Variants in EPN2 observed in about 807,000 individuals in gnomAD.
EPN2 encodes the protein epsin 2.
A neutral mutation model predicts 61.7 loss-of-function variants in EPN2; 34 were observed. That is an observed-to-expected ratio of 0.55 (90% CI 0.42 to 0.73). The LOEUF is 0.73. Ranked by LOEUF, EPN2 falls within the 30% of genes least tolerant of loss-of-function variation. The probability of loss-of-function intolerance (pLI) is 0.00; values close to 1 mark genes in which losing one functional copy is unlikely to be tolerated. For synonymous variants in EPN2, 349 were observed against 353.6 expected (o/e 0.99, Z 0.15); for missense variants, 714 against 839.2 (o/e 0.85, Z 1.84).
chr17:19,264,064 T>A (rs2045171368), intron 1 of EPN2, among the ~76,000 whole-genome samples: 1 of 152,198 alleles, frequency 6.6e-6, no homozygotes, highest in African/African-American at 2.4e-5. Context: ...CAGTTGTCAG[T>A]GCTGGAAACG....
chr17:19,275,955 A>T (rs1412549041), intron 1 of EPN2, among the ~76,000 whole-genome samples: 1 of 152,232 alleles, frequency 6.6e-6, no homozygotes, highest in Non-Finnish European at 1.5e-5. Context: ...GGCCACCTCA[A>T]GCATTCAGTT....
At position 19,336,538 on chromosome 17, in the gene EPN2, C is replaced by T. The variant is rs1450331653; in HGVS notation, c.*2284C>T. On this transcript the variant is annotated 3_prime_UTR_variant, in exon 11 of 11. Transcript: ENST00000314728. Reference sequence around the variant, plus strand: ...TTGCCCACTGCACTGATCATGAAGCCACCGGCCACTGCCACGCATGTTGCA... The same window carrying T: ...TTGCCCACTGCACTGATCATGAAGCTACCGGCCACTGCCACGCATGTTGCA... 1 of 152,624 alleles carries T rather than the reference C, an allele frequency of 6.6e-6. No individual in the cohort carries two copies. Among genetic ancestry groups the T allele is most frequent in the Non-Finnish European group, 1.5e-5 (1 of 68,052 alleles). 9.5% of individuals were successfully genotyped at this position (152,624 alleles called of 1,614,324 possible). A position where few individuals can be genotyped will look rare whatever the true frequency, so the allele number is the denominator to read the frequency against.
chr17:19,264,973 T>C (rs993472313), intron 1 of EPN2, among the ~76,000 whole-genome samples: 1 of 152,012 alleles, frequency 6.6e-6, no homozygotes, highest in African/African-American at 2.4e-5. Flanking sequence ...AGGTGGTGGA[T>C]CCTGGGCAGA....
At chr17:19,278,335 A>C (rs929505169) in intron 1 of EPN2, among the ~76,000 whole-genome samples, 46 of 152,166 alleles carry the variant, frequency 3.0e-4, no homozygotes, top group African/African-American at 1.1e-3. Flanking sequence ...GAGACTGGGA[A>C]GAAAAGGAGG....
chr17:19,276,773 G>GTTTTTTTTTTTTTTTTTTTTT (rs80078595), intron 1 of EPN2, among the ~76,000 whole-genome samples: 46 of 119,316 alleles, frequency 3.9e-4, no homozygotes, highest in African/African-American at 1.5e-3. Context: ...ATGAGAATAA[G>GTTTTTTTTTTTTTTTTTTTTT]TTTTTTTTTT....
At chr17:19,239,348 C>T (rs757349826) in intron 1 of EPN2, among the ~76,000 whole-genome samples, 34 of 152,294 alleles carry the variant, frequency 2.2e-4, no homozygotes, top group Non-Finnish European at 3.2e-4. Context: ...GACGGGATTT[C>T]GCCACGTTGG....
chr17:19,262,160 C>T (rs2045148394), intron 1 of EPN2, among the ~76,000 whole-genome samples: 1 of 151,486 alleles, frequency 6.6e-6, no homozygotes, highest in African/African-American at 2.4e-5. Flanking sequence ...GCACTCCAGC[C>T]TGAGCAACAG....
At chr17:19,296,893 G>T (rs964159226) in intron 4 of EPN2, 1 of 152,312 alleles carries the variant, frequency 6.6e-6, no homozygotes, top group Non-Finnish European at 1.5e-5. Context: ...ACGGGACTGA[G>T]CCATCATGCC....
intron 4 of EPN2, among the ~76,000 whole-genome samples, chr17:19,302,135 C>G (rs1598008432): frequency 6.6e-6 from 1 of 152,342 alleles, no homozygotes; most frequent in Non-Finnish European, 1.5e-5. Context: ...GGCCTTGGGA[C>G]AGTCACTGCA....
chr17:19,336,510 C>T lies in EPN2; in HGVS notation c.*2256C>T, dbSNP rs984078584. The T allele has an allele frequency of 3.3e-5, 5 of 152,670 alleles. No homozygotes were observed. Among genetic ancestry groups the T allele is most frequent in the African/African-American group, 7.2e-5 (3 of 41,456 alleles). The allele number at this position is 152,670 out of a possible 1,614,324, so 9.5% of individuals were successfully genotyped here. ...CACAGGCCATCCCGAGTGCATGTCC[C>T]TGTTGCCCACTGCACTGATCATGAA... On this transcript the variant is annotated 3_prime_UTR_variant, in exon 11 of 11. Transcript: ENST00000314728.
chr17:19,259,774 C>T (rs1162250853), intron 1 of EPN2, among the ~76,000 whole-genome samples: 3 of 152,184 alleles, frequency 2.0e-5, no homozygotes, highest in South Asian at 2.1e-4. Flanking sequence ...GGACTTTGTT[C>T]GCAGATGGGC....
intron 4 of EPN2, among the ~76,000 whole-genome samples, chr17:19,292,891 G>C (rs746331910): frequency 6.6e-6 from 1 of 152,236 alleles, no homozygotes; most frequent in Admixed American, 6.5e-5. Context: ...CCTCTCATTT[G>C]TAAGTGAAGA....
Position 19,295,366 on chromosome 17 carries a change from A to ACACACGCGCGCG in EPN2, c.766+9577_766+9578insACACGCGCGCGC, listed in dbSNP as rs147719775. 4.7e-4 allele frequency among the ~76,000 whole-genome samples: 66 copies of ACACACGCGCGCG among 140,394 alleles called. 1 individual carries two copies. In the Middle Eastern group the frequency reaches 0.011, roughly 23 times the overall value. 92.1% of individuals were successfully genotyped at this position (140,394 alleles called of 152,430 possible). A position where few individuals can be genotyped will look rare whatever the true frequency, so the allele number is the denominator to read the frequency against. ...TACACACACACACACACACACACAC[A>ACACACGCGCGCG]CGCGCGTGCGCGCAAAATAGCCAGG... On this transcript the variant is annotated intron_variant, in intron 4 of 10. Coordinates refer to ENST00000314728, the MANE Select transcript of EPN2 (RefSeq NM_014964.5).
Position 19,251,617 on chromosome 17 carries a change from A to G in EPN2, c.-294+14086A>G, listed in dbSNP as rs566211116. 1.5e-4 allele frequency among the ~76,000 whole-genome samples: 23 copies of G among 152,246 alleles called. 2 individuals are homozygous for G. In the South Asian group the frequency reaches 4.6e-3, roughly 30 times the overall value. ...CCTGGCTAATTTTTGTATTTTTAGT[A>G]GAGACAGGGTTTCACCATATTGGCC... On this transcript the variant is annotated intron_variant, in intron 1 of 10. Transcript: ENST00000314728.
At chr17:19,266,040 C>T (rs573020871) in intron 1 of EPN2, among the ~76,000 whole-genome samples, 1 of 152,238 alleles carries the variant, frequency 6.6e-6, no homozygotes, top group Non-Finnish European at 1.5e-5. Flanking sequence ...GCTTCTCAGT[C>T]GTCTTTCTGT....
intron 1 of EPN2, among the ~76,000 whole-genome samples, chr17:19,278,057 G>A (rs1356614012): frequency 7.4e-6 from 1 of 134,794 alleles, no homozygotes; most frequent in Non-Finnish European, 1.6e-5. Context: ...GGGCGACAGA[G>A]CGAGACTATG....
chr17:19,319,474 G>T (rs1906548033), intron 7 of EPN2, among the ~76,000 whole-genome samples: 1 of 151,448 alleles, frequency 6.6e-6, no homozygotes, highest in Admixed American at 6.6e-5. Flanking sequence ...GAGATTACAG[G>T]CGAGTGCCAC....
intron 4 of EPN2, among the ~76,000 whole-genome samples, chr17:19,309,172 C>T (rs993459001): frequency 3.5e-5 from 5 of 142,664 alleles, no homozygotes; most frequent in African/African-American, 1.3e-4. Flanking sequence ...GAGACGGAGT[C>T]TCGCTCTGTC....
chr17:19,246,925 G>A (rs2044958861), intron 1 of EPN2, among the ~76,000 whole-genome samples: 2 of 151,952 alleles, frequency 1.3e-5, no homozygotes, highest in Non-Finnish European at 1.5e-5. Context: ...CCGCCACCAC[G>A]CCTGGCTGAT....
Sources: allele counts gnomAD v4.1 joint callset (sites outside exome capture counted in the v4.1 genomes callset), GRCh38; gene constraint gnomAD v4.1.1; transcripts MANE v1.5; gene names NCBI Gene and HGNC (gene_info 2026-07-23, HGNC 2026-07-21).